STK4: variants seen among roughly 807,000 people sequenced by gnomAD.
STK4 encodes serine/threonine kinase 4.
Under a neutral mutation model 64.9 loss-of-function variants are expected in STK4, and 30 were observed. The observed-to-expected ratio is 0.46, with a 90% CI of 0.35 to 0.63. The LOEUF (loss-of-function observed/expected upper bound fraction) is 0.63, where lower values mean the gene tolerates loss of function less well. STK4 is among the 20% of genes least tolerant of loss of function. STK4 has a pLI of 0.01. For synonymous variants in STK4, 177 were observed against 199.0 expected (o/e 0.89, Z 0.93); for missense variants, 466 against 598.5 (o/e 0.78, Z 2.31).
At chr20:45,004,141 G>C (rs2067891644) in intron 9 of STK4, among the ~76,000 whole-genome samples, 1 of 151,688 alleles carries the variant, frequency 6.6e-6, no homozygotes, top group South Asian at 2.1e-4. Context: ...TTTCGCCCAG[G>C]CTGGAGTGCA....
chr20:44,989,325 C>G (rs2067592250), intron 5 of STK4, among the ~76,000 whole-genome samples: 1 of 152,078 alleles, frequency 6.6e-6, no homozygotes, highest in Non-Finnish European at 1.5e-5. Context: ...GGCAGTATCT[C>G]TTTGTGGTCT....
chr20:45,005,930 C>G (rs1305929892), intron 9 of STK4, among the ~76,000 whole-genome samples: 1 of 151,774 alleles, frequency 6.6e-6, no homozygotes, highest in Non-Finnish European at 1.5e-5. Flanking sequence ...TCTCTTTGTA[C>G]TTTGAAGAGA....
intron 1 of STK4, 88 bp from the exon 2 acceptor site, chr20:44,971,990 A>G: frequency 7.7e-7 from 1 of 1,306,148 alleles, no homozygotes; most frequent in African/African-American, 1.5e-5. Flanking sequence ...GAAGTTCCTG[A>G]GATGCTAATT....
chr20:44,984,783 T>A (rs2067503345), intron 4 of STK4, among the ~76,000 whole-genome samples: 1 of 148,068 alleles, frequency 6.8e-6, no homozygotes, highest in Non-Finnish European at 1.5e-5. Context: ...AAATTAATTC[T>A]TTCTTTTTTT....
intron 2 of STK4, among the ~76,000 whole-genome samples, chr20:44,975,866 G>A (rs2067330927): frequency 1.3e-5 from 2 of 152,272 alleles, no homozygotes; most frequent in South Asian, 2.1e-4. Flanking sequence ...TGAAATCATC[G>A]ACAGTGAGTG....
At chr20:45,065,448 G>C (rs1459563356) in intron 10 of STK4, among the ~76,000 whole-genome samples, 3 of 152,076 alleles carry the variant, frequency 2.0e-5, no homozygotes, top group Non-Finnish European at 4.4e-5. Context: ...TGTTGTTGTT[G>C]TATCTCTGTC....
intron 10 of STK4, among the ~76,000 whole-genome samples, chr20:45,061,984 A>G (rs6073618): frequency 0.26 from 38,587 of 150,450 alleles, 5,600 homozygotes; most frequent in Middle Eastern, 0.43. Flanking sequence ...AGTTCAAGCA[A>G]TTCTCCTGCT....
At chr20:44,970,956 C>T (rs1427308170) in intron 1 of STK4, among the ~76,000 whole-genome samples, 1 of 143,816 alleles carries the variant, frequency 7.0e-6, no homozygotes, top group Non-Finnish European at 1.5e-5. Context: ...TTGATATTAT[C>T]CAGCTAGTCT....
chr20:44,979,484 G>T (rs914141856), intron 3 of STK4, among the ~76,000 whole-genome samples: 1 of 152,144 alleles, frequency 6.6e-6, no homozygotes, highest in Non-Finnish European at 1.5e-5. Flanking sequence ...GACAACATGG[G>T]TTGGTCACTG....
At chr20:44,971,126 T>C (rs908494097) in intron 1 of STK4, among the ~76,000 whole-genome samples, 37 of 123,574 alleles carry the variant, frequency 3.0e-4, no homozygotes, top group East Asian at 1.2e-3. Flanking sequence ...CACACACACA[T>C]ATTCCTTGGC....
At chr20:45,032,135 C>T (rs1368987946) in intron 10 of STK4, among the ~76,000 whole-genome samples, 1 of 152,132 alleles carries the variant, frequency 6.6e-6, no homozygotes, top group African/African-American at 2.4e-5. Context: ...ATATTCTTCT[C>T]TCCAAAATTG....
At chr20:45,016,850 A>G (rs1410218026) in intron 9 of STK4, among the ~76,000 whole-genome samples, 1 of 152,216 alleles carries the variant, frequency 6.6e-6, no homozygotes, top group Non-Finnish European at 1.5e-5. Flanking sequence ...TGAATCACAA[A>G]CAATATACTT....
intron 4 of STK4, among the ~76,000 whole-genome samples, chr20:44,983,958 A>G (rs933871672): frequency 1.3e-5 from 2 of 152,076 alleles, no homozygotes; most frequent in Non-Finnish European, 2.9e-5. Flanking sequence ...TCCTAACATA[A>G]GATATATGTA....
At chr20:44,972,726 A>G (rs1283262029) in intron 2 of STK4, 1 of 152,180 alleles carries the variant, frequency 6.6e-6, no homozygotes, top group Non-Finnish European at 1.5e-5. Context: ...TTAAGTTTAC[A>G]TAATTTTTAT....
At chr20:45,050,245 A>C (rs1467936470) in intron 10 of STK4, among the ~76,000 whole-genome samples, 1 of 152,138 alleles carries the variant, frequency 6.6e-6, no homozygotes, top group Non-Finnish European at 1.5e-5. Flanking sequence ...ACTTTGAACT[A>C]CTGAAATGGG....
At chr20:45,002,531 T>C (rs781426197) in intron 9 of STK4, among the ~76,000 whole-genome samples, 1 of 152,216 alleles carries the variant, frequency 6.6e-6, no homozygotes, top group Non-Finnish European at 1.5e-5. Flanking sequence ...ATTTTGTAAT[T>C]CTCCCTTTTG....
chr20:44,968,162 G>A (rs2067183723), intron 1 of STK4, among the ~76,000 whole-genome samples: 1 of 151,494 alleles, frequency 6.6e-6, no homozygotes, highest in Non-Finnish European at 1.5e-5. Flanking sequence ...TTTTGAGACG[G>A]AGTCTCACTC....
At chr20:45,001,672 T>C (rs775272122) in intron 9 of STK4, among the ~76,000 whole-genome samples, 32 of 152,242 alleles carry the variant, frequency 2.1e-4, no homozygotes, top group Non-Finnish European at 4.1e-4. Flanking sequence ...CATTGTTTGA[T>C]GCATAATTCC....
chr20:45,020,456 GTGTGTGTGTGTATGTT>G (rs2068224532), intron 9 of STK4, among the ~76,000 whole-genome samples: 1 of 129,994 alleles, frequency 7.7e-6, no homozygotes, highest in Non-Finnish European at 1.6e-5. Context: ...GTGTGTGTGT[GTGTGTGTGTGTATGTT>G]TATGTTTATG....
Sources: gnomAD v4.1 joint callset for allele counts (sites outside exome capture counted in the v4.1 genomes callset) on GRCh38, gnomAD v4.1.1 for gene constraint, MANE v1.5 for transcripts, NCBI Gene and HGNC (gene_info 2026-07-23, HGNC 2026-07-21) for gene names.